The following PTPRT variants were observed in gnomAD, a reference collection of about 807,000 sequenced individuals.
PTPRT encodes receptor-type tyrosine-protein phosphatase T.
PTPRT carries 56 observed loss-of-function variants against 176.8 expected under a neutral mutation model. The observed-to-expected ratio is 0.32, with a 90% CI of 0.26 to 0.40. PTPRT has a LOEUF of 0.40. Among genes scored for constraint, PTPRT ranks in the 10% least tolerant of loss-of-function variants. PTPRT has a pLI of 1.00. For synonymous variants in PTPRT, 783 were observed against 739.0 expected, an observed-to-expected ratio of 1.06 and a Z score of -0.96; for missense variants, 1,540 against 1,908.2, an observed-to-expected ratio of 0.81 and a Z score of 3.60.
At chr20:42,774,163 T>A (rs1158749664) in intron 4 of PTPRT, among the ~76,000 whole-genome samples, 1 of 152,228 alleles carries the variant, frequency 6.6e-6, no homozygotes, top group Non-Finnish European at 1.5e-5. Flanking sequence ...GAGCCAGTTA[T>A]GTAAATTAAT....
At chr20:43,064,033 T>TA (rs76373141) in intron 1 of PTPRT, among the ~76,000 whole-genome samples, 87 of 145,806 alleles carry the variant, frequency 6.0e-4, no homozygotes, top group Middle Eastern at 3.5e-3. Context: ...CAACTTTTCT[T>TA]AAAAAAAAAA....
intron 5 of PTPRT, among the ~76,000 whole-genome samples, chr20:42,761,894 C>G (rs1217142143): frequency 6.6e-6 from 1 of 152,112 alleles, no homozygotes; most frequent in East Asian, 1.9e-4. Context: ...ATCACATCAC[C>G]CATCTGCCAC....
rs150717569 is a variant in PTPRT, at chr20:43,122,279, C to T, written c.88+67367G>A. ...CCCCAGTCCAGTGCCTGGCAGGTATCAGACATATAAATGATTGATTACTAA... is the reference window on the plus strand; with the variant it reads ...CCCCAGTCCAGTGCCTGGCAGGTATTAGACATATAAATGATTGATTACTAA... On this transcript the variant is annotated intron_variant, in intron 1 of 30. Transcript: ENST00000373187. Among the ~76,000 whole-genome samples the T allele has an allele frequency of 8.8e-3, 1,334 of 152,298 alleles. 8 individuals carry two copies. Among genetic ancestry groups the T allele is most frequent in the Non-Finnish European group, 0.013 (918 of 68,028 alleles).
At chr20:42,169,871 G>A (rs1447105141) in intron 16 of PTPRT, among the ~76,000 whole-genome samples, 1 of 151,808 alleles carries the variant, frequency 6.6e-6, no homozygotes, top group Non-Finnish European at 1.5e-5. Flanking sequence ...ATGACTTGGT[G>A]GGGGCGGGGG....
chr20:42,967,197 G>A (rs1011680372), intron 1 of PTPRT, among the ~76,000 whole-genome samples: 1 of 152,158 alleles, frequency 6.6e-6, no homozygotes, highest in Non-Finnish European at 1.5e-5. Flanking sequence ...TTGAGTGGTG[G>A]CCCCCAGAAG....
At chr20:42,472,628 C>T in intron 7 of PTPRT, 66 bp from the exon 8 acceptor site, 1 of 1,516,172 alleles carries the variant, frequency 6.6e-7, no homozygotes. Flanking sequence ...GGTACATGTT[C>T]TGCTACAACA....
chr20:42,654,325 GAAAACAA>G lies in PTPRT; in HGVS notation c.1153+23534_1153+23540del, dbSNP rs572120591. Among the ~76,000 whole-genome samples the G allele has an allele frequency of 2.8e-3, 429 of 152,084 alleles. 3 individuals carry two copies. Among genetic ancestry groups the G allele is most frequent in the African/African-American group, 9.3e-3 (387 of 41,486 alleles). ...CTAGCACAGTGCATTCAAGGATGAA[GAAAACAA>G]AAAACAAAAAACAAAAAACACTGTC... is the stretch of plus-strand genomic sequence containing the variant. On this transcript the variant is annotated intron_variant, in intron 7 of 30. Coordinates refer to ENST00000373187, the MANE Select transcript of PTPRT (RefSeq NM_007050.6).
the PTPRT span, among the ~76,000 whole-genome samples, chr20:42,059,809 C>T: frequency 2.6e-5 from 4 of 152,000 alleles, no homozygotes; most frequent in Non-Finnish European, 4.4e-5. Context: ...AGGCTGGGGT[C>T]CTAGTCCCTG....
chr20:42,804,532 C>G (rs1375792695), intron 2 of PTPRT, among the ~76,000 whole-genome samples: 1 of 152,208 alleles, frequency 6.6e-6, no homozygotes, highest in Non-Finnish European at 1.5e-5. Flanking sequence ...AGCTCTAGTG[C>G]TGACAACTGC....
chr20:42,902,285 C>T (rs1287102986), intron 1 of PTPRT, among the ~76,000 whole-genome samples: 1 of 152,158 alleles, frequency 6.6e-6, no homozygotes, highest in African/African-American at 2.4e-5. Context: ...CAGCAAGTTC[C>T]ACTTCCTGGA....
chr20:42,515,108 G>A (rs2145473196), intron 7 of PTPRT, among the ~76,000 whole-genome samples: 1 of 152,062 alleles, frequency 6.6e-6, no homozygotes, highest in South Asian at 2.1e-4. Flanking sequence ...AAACACACTG[G>A]GTATTTTTAT....
chr20:42,611,540 C>T (rs1195446153), intron 7 of PTPRT, among the ~76,000 whole-genome samples: 1 of 150,950 alleles, frequency 6.6e-6, no homozygotes, highest in Non-Finnish European at 1.5e-5. Flanking sequence ...TGCCTGACAC[C>T]TCTCCCACTT....
intron 13 of PTPRT, chr20:42,270,372 A>AC: frequency 2.1e-5 from 16 of 759,682 alleles, no homozygotes; most frequent in Non-Finnish European, 2.9e-5. Flanking sequence ...CTCCCCTCCC[A>AC]CCCGCCCAGG....
intron 27 of PTPRT, among the ~76,000 whole-genome samples, chr20:42,086,726 C>CAAAAAAA (rs367948746): frequency 6.1e-5 from 5 of 82,208 alleles, no homozygotes; most frequent in African/African-American, 2.5e-4. Context: ...GACTCCATCT[C>CAAAAAAA]AAAAAAAAAA....
rs77231219 is a variant in PTPRT at position 42,790,986 on chromosome 20, C to T, written c.486+209G>A. 3.5e-3 allele frequency among the ~76,000 whole-genome samples: 537 copies of T among 152,300 alleles called. 3 individuals are homozygous for T. Among genetic ancestry groups the T allele is most frequent in the African/African-American group, 0.011 (462 of 41,558 alleles). On this transcript the variant is annotated intron_variant, in intron 3 of 30. Transcript: ENST00000373187. Reference sequence around the variant, plus strand: ...GCATCCTGGTACATTGTTATTTTATCTACATATCAGTCTTTTCCTACAAAT... The same window carrying T: ...GCATCCTGGTACATTGTTATTTTATTTACATATCAGTCTTTTCCTACAAAT...
chr20:42,446,617 T>A (rs574883784), intron 9 of PTPRT, among the ~76,000 whole-genome samples: 19,450 of 145,958 alleles, frequency 0.13, 1,403 homozygotes, highest in African/African-American at 0.16. Context: ...TGTGTGTGTG[T>A]GTGTGAGAGA....
chr20:42,571,741 A>C (rs1337414181), intron 7 of PTPRT, among the ~76,000 whole-genome samples: 1 of 152,142 alleles, frequency 6.6e-6, no homozygotes, highest in Non-Finnish European at 1.5e-5. Context: ...ATGATCCAGG[A>C]AGAGGACCCC....
Position 42,202,260 on chromosome 20 carries a change from G to A in PTPRT, c.2343-2872C>T, listed in dbSNP as rs1991483751. 2.6e-5 allele frequency among the ~76,000 whole-genome samples: 4 copies of A among 152,070 alleles called. No individual in the cohort carries two copies. In the South Asian group the frequency reaches 8.3e-4, roughly 32 times the overall value. On this transcript the variant is annotated intron_variant, in intron 15 of 30. Coordinates refer to ENST00000373187, the MANE Select transcript of PTPRT (RefSeq NM_007050.6). ...GCTAGGATTACAGGTGGGAGCCACC[G>A]TGCCCAGCCGAGAAAGTTTCTTTAT...
chr20:42,706,236 T>C (rs890426314), intron 6 of PTPRT, among the ~76,000 whole-genome samples: 10 of 147,298 alleles, frequency 6.8e-5, no homozygotes, highest in Admixed American at 3.3e-4. Context: ...TGTGTGTCTA[T>C]CTGTCTCTCT....
Sources: gnomAD v4.1 joint callset for allele counts (sites outside exome capture counted in the v4.1 genomes callset) on GRCh38, gnomAD v4.1.1 for gene constraint, MANE v1.5 for transcripts, NCBI Gene and HGNC (gene_info 2026-07-23, HGNC 2026-07-21) for gene names.